Variants in C8orf34 observed in about 807,000 individuals in gnomAD.
C8orf34 encodes uncharacterized protein C8orf34.
Under a neutral mutation model 68.3 loss-of-function variants are expected in C8orf34, and 65 were observed. The observed-to-expected ratio is 0.95, with a 90% CI of 0.78 to 1.17. The LOEUF (loss-of-function observed/expected upper bound fraction) is 1.17, where lower values mean the gene tolerates loss of function less well. Among genes scored for constraint, C8orf34 ranks in the 50% most tolerant of loss-of-function variants. The pLI is 0.00. For synonymous variants in C8orf34, 244 were observed against 241.2 expected (o/e 1.01, Z -0.11); for missense variants, 664 against 655.4 (o/e 1.01, Z -0.14).
intron 9 of C8orf34, among the ~76,000 whole-genome samples, chr8:68,715,658 A>T (rs958103095): frequency 2.6e-5 from 4 of 151,638 alleles, no homozygotes; most frequent in Admixed American, 6.6e-5. Flanking sequence ...TAAAAAATAA[A>T]AAAAAAAAAG....
At chr8:68,675,695 C>T (rs1196713244) in intron 8 of C8orf34, among the ~76,000 whole-genome samples, 2 of 151,932 alleles carry the variant, frequency 1.3e-5, no homozygotes, top group East Asian at 1.9e-4. Flanking sequence ...AAAATACCCA[C>T]AAAATAACTA....
intron 7 of C8orf34, among the ~76,000 whole-genome samples, chr8:68,583,636 T>G (rs1490636463): frequency 1.3e-5 from 2 of 152,174 alleles, no homozygotes; most frequent in Non-Finnish European, 2.9e-5. Flanking sequence ...ATAGGTCATG[T>G]AGATAAATTG....
At chr8:68,343,258 T>G (rs1563633801) in intron 1 of C8orf34, among the ~76,000 whole-genome samples, 1 of 152,026 alleles carries the variant, frequency 6.6e-6, no homozygotes, top group Non-Finnish European at 1.5e-5. Flanking sequence ...AAAACCACAA[T>G]GAGAAATCAC....
At chr8:68,748,780 C>T (rs991248844) in intron 10 of C8orf34, among the ~76,000 whole-genome samples, 1 of 152,316 alleles carries the variant, frequency 6.6e-6, no homozygotes, top group East Asian at 1.9e-4. Context: ...CACTTCTACA[C>T]TGTTGGTGGG....
At chr8:68,711,459 G>A (rs1821327199) in intron 9 of C8orf34, among the ~76,000 whole-genome samples, 1 of 152,018 alleles carries the variant, frequency 6.6e-6, no homozygotes, top group Non-Finnish European at 1.5e-5. Flanking sequence ...GAAATAGGTA[G>A]CATAAATAAA....
chr8:68,618,989 G>T (rs2130619792), intron 7 of C8orf34, among the ~76,000 whole-genome samples: 1 of 152,238 alleles, frequency 6.6e-6, no homozygotes, highest in African/African-American at 2.4e-5. Context: ...AGAGCTAGGG[G>T]GATGGAAAAG....
chr8:68,613,506 T>A (rs1442867312), intron 7 of C8orf34, among the ~76,000 whole-genome samples: 2 of 148,506 alleles, frequency 1.3e-5, no homozygotes, highest in South Asian at 4.3e-4. Context: ...GTTCTCATCG[T>A]TCAATTCCCA....
chr8:68,514,344 G>A (rs925059722), intron 5 of C8orf34, among the ~76,000 whole-genome samples: 3 of 152,096 alleles, frequency 2.0e-5, no homozygotes, highest in Admixed American at 2.0e-4. Flanking sequence ...CTCCCACCTG[G>A]CTGTCTCAGA....
intron 7 of C8orf34, among the ~76,000 whole-genome samples, chr8:68,589,742 GAGA>G (rs1563547529): frequency 6.9e-6 from 1 of 144,732 alleles, no homozygotes; most frequent in Non-Finnish European, 1.5e-5. Context: ...AGAGAAGGGA[GAGA>G]AGAGGAAAGG....
chr8:68,416,656 G>T (rs890337091), intron 1 of C8orf34, among the ~76,000 whole-genome samples: 3 of 151,850 alleles, frequency 2.0e-5, no homozygotes, highest in Non-Finnish European at 2.9e-5. Flanking sequence ...TTCAGCCTCT[G>T]ATTAGCTGGG....
At chr8:68,512,010 A>G (rs1043666749) in intron 5 of C8orf34, among the ~76,000 whole-genome samples, 1 of 152,126 alleles carries the variant, frequency 6.6e-6, no homozygotes, top group African/African-American at 2.4e-5. Context: ...TCTTTATTCA[A>G]ATGTCACAAT....
chr8:68,565,742 T>A (rs1434991036), intron 7 of C8orf34, among the ~76,000 whole-genome samples: 1 of 152,180 alleles, frequency 6.6e-6, no homozygotes, highest in Non-Finnish European at 1.5e-5. Context: ...GATTTATCCT[T>A]TTATTTCACC....
In C8orf34 at chr8:68,331,783, CTTTTTTTTTTTTTT is replaced by C. The variant is rs552564162; in HGVS notation, c.327+460_327+473del. On this transcript the variant is annotated intron_variant, in intron 1 of 13. Transcript: ENST00000518698. The stretch of plus-strand genomic sequence containing the variant: ...CTTTTTTCTTTTCTTTTCTTTCCTT[CTTTTTTTTTTTTTT>C]TTTTTTTTTTTTTTTAATGAGGGCG... 3.2e-3 allele frequency among the ~76,000 whole-genome samples: 95 copies of C among 29,524 alleles called. 7 individuals are homozygous for C. The highest frequency in any genetic ancestry group is 4.2e-3 in the African/African-American group (40 of 9,554). The allele number at this position is 29,524 out of a possible 152,430, so 19.4% of individuals were successfully genotyped here.
chr8:68,806,065 T>C (rs1824472245), intron 12 of C8orf34, among the ~76,000 whole-genome samples: 1 of 152,116 alleles, frequency 6.6e-6, no homozygotes, highest in Non-Finnish European at 1.5e-5. Context: ...AAGTCTCATG[T>C]CAATTGGTCC....
At chr8:68,576,257 A>G (rs1165643044) in intron 7 of C8orf34, among the ~76,000 whole-genome samples, 1 of 148,500 alleles carries the variant, frequency 6.7e-6, no homozygotes, top group African/African-American at 2.6e-5. Context: ...GTAATTATGT[A>G]GATGTATTTT....
At chr8:68,780,510 TTTG>T (rs1398894531) in intron 11 of C8orf34, among the ~76,000 whole-genome samples, 31 of 152,312 alleles carry the variant, frequency 2.0e-4, no homozygotes, top group Middle Eastern at 3.4e-3. Context: ...CTTTTCTGAC[TTTG>T]TTATTACTCT....
intron 9 of C8orf34, among the ~76,000 whole-genome samples, chr8:68,717,245 T>C (rs1361474502): frequency 6.6e-6 from 1 of 152,112 alleles, no homozygotes; most frequent in African/African-American, 2.4e-5. Context: ...ATATGTTCTT[T>C]AGGAAAACAT....
At chr8:68,465,213 C>G (rs372630870) in intron 3 of C8orf34, among the ~76,000 whole-genome samples, 5 of 152,096 alleles carry the variant, frequency 3.3e-5, no homozygotes, top group East Asian at 1.9e-4. Flanking sequence ...CTCACCATCA[C>G]TGGCCATCAG....
intron 1 of C8orf34, among the ~76,000 whole-genome samples, chr8:68,360,752 C>CTTTTTTT (rs1319672272): frequency 3.5e-5 from 5 of 144,258 alleles, no homozygotes; most frequent in African/African-American, 1.3e-4. Context: ...CCTTTTCTTC[C>CTTTTTTT]TTTCTTTTTT....
Sources: allele counts gnomAD v4.1 joint callset (sites outside exome capture counted in the v4.1 genomes callset), GRCh38; gene constraint gnomAD v4.1.1; transcripts MANE v1.5; gene names NCBI Gene and HGNC (gene_info 2026-07-23, HGNC 2026-07-21).